Variants in MCPH1 observed in about 807,000 individuals in gnomAD.
MCPH1 encodes microcephalin.
A neutral mutation model predicts 84.5 loss-of-function variants in MCPH1; 104 were observed. The ratio of observed to expected loss-of-function variants is 1.23; its 90% CI spans 1.05 to 1.45. The LOEUF is 1.45. Among genes scored for constraint, MCPH1 ranks in the 40% most tolerant of loss-of-function variants. The probability of loss-of-function intolerance (pLI) is 0.00; values close to 1 mark genes in which losing one functional copy is unlikely to be tolerated. For synonymous variants in MCPH1, 514 were observed against 366.8 expected, an observed-to-expected ratio of 1.40 and a Z score of -4.58; for missense variants, 1,498 against 1,005.7, an observed-to-expected ratio of 1.49 and a Z score of -6.62.
At chr8:6,470,540 C>T (rs1807589082) in intron 9 of MCPH1, among the ~76,000 whole-genome samples, 1 of 152,250 alleles carries the variant, frequency 6.6e-6, no homozygotes, top group Non-Finnish European at 1.5e-5. Flanking sequence ...CCACCTTGGT[C>T]TCCCAAAGTG....
At chr8:6,520,048 G>A (rs1817021629) in intron 12 of MCPH1, 5 of 1,584,536 alleles carry the variant, frequency 3.2e-6, no homozygotes, top group Non-Finnish European at 3.4e-6. Context: ...ACAAAGACTT[G>A]TTATTTCAAG....
intron 3 of MCPH1, among the ~76,000 whole-genome samples, chr8:6,422,830 C>T (rs183866890): frequency 2.1e-4 from 32 of 151,768 alleles, no homozygotes; most frequent in East Asian, 1.4e-3. Flanking sequence ...CTGGGACTAC[C>T]GGAGCCCGCC....
At chr8:6,491,103 C>G (rs1029796162) in intron 11 of MCPH1, among the ~76,000 whole-genome samples, 1 of 150,528 alleles carries the variant, frequency 6.6e-6, no homozygotes, top group Non-Finnish European at 1.5e-5. Context: ...TTTTATTAAA[C>G]TTTCAAAGTA....
At chr8:6,635,355 C>T (rs1797470934) in intron 13 of MCPH1, 1 of 152,080 alleles carries the variant, frequency 6.6e-6, no homozygotes, top group South Asian at 2.1e-4. Flanking sequence ...AACTGAGGCC[C>T]AGAGCAGCGT....
At chr8:6,631,806 T>C (rs2129582343) in intron 13 of MCPH1, among the ~76,000 whole-genome samples, 1 of 152,320 alleles carries the variant, frequency 6.6e-6, no homozygotes, top group South Asian at 2.1e-4. Context: ...AAAGTAGAAT[T>C]ACTGTATGAT....
At chr8:6,533,988 C>A (rs1285139299) in intron 12 of MCPH1, among the ~76,000 whole-genome samples, 1 of 152,062 alleles carries the variant, frequency 6.6e-6, no homozygotes, top group African/African-American at 2.4e-5. Flanking sequence ...CTATAAGTTT[C>A]CTGTTTCCGA....
chr8:6,558,834 C>G (rs909904042), intron 12 of MCPH1, among the ~76,000 whole-genome samples: 1 of 151,982 alleles, frequency 6.6e-6, no homozygotes, highest in Non-Finnish European at 1.5e-5. Flanking sequence ...AATATATAAT[C>G]CATATAGAGT....
chr8:6,519,755 G>T, intron 12 of MCPH1: 1 of 1,417,096 alleles, frequency 7.1e-7, no homozygotes, highest in Non-Finnish European at 9.7e-7. Context: ...TTTGTACTGT[G>T]TGAGGCTGGG....
chr8:6,571,826 G>C (rs999453562), intron 12 of MCPH1, among the ~76,000 whole-genome samples: 2 of 152,110 alleles, frequency 1.3e-5, no homozygotes, highest in African/African-American at 4.8e-5. Flanking sequence ...ACAAAAAGTA[G>C]TTTTTGAAGA....
At chr8:6,615,038 A>T (rs938104082) in intron 12 of MCPH1, among the ~76,000 whole-genome samples, 1 of 152,196 alleles carries the variant, frequency 6.6e-6, no homozygotes, top group Non-Finnish European at 1.5e-5. Flanking sequence ...CCACGCTCAC[A>T]CTGCGTAAGC....
At chr8:6,490,137 C>G (rs901135655) in intron 11 of MCPH1, among the ~76,000 whole-genome samples, 10 of 152,226 alleles carry the variant, frequency 6.6e-5, no homozygotes, top group African/African-American at 2.4e-4. Flanking sequence ...AACTGCAGCA[C>G]AAATTCCAAG....
intron 11 of MCPH1, among the ~76,000 whole-genome samples, chr8:6,498,435 C>A (rs925416325): frequency 6.6e-6 from 1 of 152,178 alleles, no homozygotes; most frequent in East Asian, 1.9e-4. Flanking sequence ...TATCTCTATG[C>A]AATATTAATT....
At chr8:6,575,154 G>C (rs1301923769) in intron 12 of MCPH1, among the ~76,000 whole-genome samples, 1 of 152,174 alleles carries the variant, frequency 6.6e-6, no homozygotes, top group Non-Finnish European at 1.5e-5. Context: ...GTTTGGGTCT[G>C]AGCTCAAGAG....
intron 12 of MCPH1, among the ~76,000 whole-genome samples, chr8:6,534,967 A>G (rs1025493459): frequency 6.6e-6 from 1 of 152,328 alleles, no homozygotes; most frequent in South Asian, 2.1e-4. Context: ...ACCCAGAGGC[A>G]CTGTCTTAGT....
chr8:6,425,801 A>C (rs61336537), intron 3 of MCPH1, among the ~76,000 whole-genome samples: 4,701 of 152,296 alleles, frequency 0.031, 212 homozygotes, highest in East Asian at 0.16. Context: ...TGGCTTTTCC[A>C]GCACGGTTGG....
At chr8:6,610,284 C>T (rs374061874) in intron 12 of MCPH1, among the ~76,000 whole-genome samples, 1 of 152,326 alleles carries the variant, frequency 6.6e-6, no homozygotes, top group East Asian at 1.9e-4. Context: ...AAAACACGAG[C>T]CACCTTGATT....
chr8:6,436,909 G>T (rs1480755156), intron 5 of MCPH1, among the ~76,000 whole-genome samples: 1 of 152,022 alleles, frequency 6.6e-6, no homozygotes, highest in Non-Finnish European at 1.5e-5. Context: ...GGCAGAGCTT[G>T]CAGTGAGCCG....
intron 13 of MCPH1, among the ~76,000 whole-genome samples, chr8:6,640,985 A>G (rs567149466): frequency 1.3e-5 from 2 of 152,164 alleles, no homozygotes; most frequent in African/African-American, 4.8e-5. Flanking sequence ...CTGTTTGTCT[A>G]TTCTGTGCTG....
intron 9 of MCPH1, among the ~76,000 whole-genome samples, chr8:6,459,463 A>C (rs1054699590): frequency 3.3e-5 from 5 of 152,208 alleles, no homozygotes; most frequent in Non-Finnish European, 5.9e-5. Flanking sequence ...TTAAGGTATT[A>C]GATTCTATTA....
Sources: gnomAD v4.1 joint callset for allele counts (sites outside exome capture counted in the v4.1 genomes callset) on GRCh38, gnomAD v4.1.1 for gene constraint, MANE v1.5 for transcripts, NCBI Gene and HGNC (gene_info 2026-07-23, HGNC 2026-07-21) for gene names.